ZNF423: variants seen among roughly 807,000 people sequenced by gnomAD.
The protein encoded by ZNF423 is zinc finger protein 423, also known as Ebf-associated zinc finger protein.
In ZNF423, 12 loss-of-function variants were observed where a neutral mutation model predicts 95.8. The ratio of observed to expected loss-of-function variants is 0.13; its 90% CI spans 0.08 to 0.20. The LOEUF is 0.20. Ranked by LOEUF, ZNF423 falls within the 10% of genes least tolerant of loss-of-function variation. The probability of loss-of-function intolerance (pLI) is 1.00; values close to 1 mark genes in which losing one functional copy is unlikely to be tolerated. For synonymous variants in ZNF423, 749 were observed against 711.9 expected (o/e 1.05, Z -0.83); for missense variants, 1,316 against 1,737.1 (o/e 0.76, Z 4.31).
At chr16:49,521,662 C>G (rs1255810414) in intron 7 of ZNF423, among the ~76,000 whole-genome samples, 2 of 152,204 alleles carry the variant, frequency 1.3e-5, no homozygotes, top group Non-Finnish European at 2.9e-5. Flanking sequence ...TTTCATAACT[C>G]TGTCCCACGT....
chr16:49,776,264 C>T (rs1025848293), intron 2 of ZNF423, among the ~76,000 whole-genome samples: 3 of 152,216 alleles, frequency 2.0e-5, no homozygotes, highest in Non-Finnish European at 4.4e-5. Context: ...AACGCTGAGC[C>T]GACCCCCACT....
rs1388373275 is a variant in ZNF423, at chr16:49,635,419, CA to C, written c.3516+240del. Reference sequence around the variant, plus strand: ...GGACAATTATTATTCCCATTTTATACATTAGCATTTGACAAATGAGACCCAG... The same window carrying C: ...GGACAATTATTATTCCCATTTTATACTTAGCATTTGACAAATGAGACCCAG... On this transcript the variant is annotated intron_variant, in intron 4 of 7. Transcript: ENST00000563137. This position sits in a 1 kb window ranked among gnomAD's most constrained non-coding sequence, Gnocchi z 4.8. 1.3e-5 allele frequency among the ~76,000 whole-genome samples: 2 copies of C among 152,250 alleles called. No individual in the cohort carries two copies. Among genetic ancestry groups the C allele is most frequent in the African/African-American group, 4.8e-5 (2 of 41,464 alleles).
chr16:49,668,680 G>A (rs961400134), intron 3 of ZNF423, among the ~76,000 whole-genome samples: 5 of 152,128 alleles, frequency 3.3e-5, no homozygotes, highest in African/African-American at 1.2e-4. Flanking sequence ...TAGGACCTGG[G>A]GAAACAGTTC....
upstream of ZNF423, among the ~76,000 whole-genome samples, chr16:49,856,427 GAA>G (rs550708499): frequency 3.9e-4 from 47 of 121,634 alleles, no homozygotes; most frequent in South Asian, 3.8e-3. Context: ...TACCCCCCAG[GAA>G]AAAAAAAAAA....
intron 3 of ZNF423, among the ~76,000 whole-genome samples, chr16:49,651,598 T>A (rs1171567971): frequency 6.6e-6 from 1 of 152,214 alleles, no homozygotes; most frequent in Non-Finnish European, 1.5e-5. Flanking sequence ...TGACCCTTGC[T>A]CAATTTTACA....
intron 5 of ZNF423, among the ~76,000 whole-genome samples, chr16:49,597,882 T>C (rs1284626034): frequency 6.6e-6 from 1 of 152,192 alleles, no homozygotes; most frequent in African/African-American, 2.4e-5. Flanking sequence ...GCCCTGGCCT[T>C]GTTCATTCCT....
At chr16:49,641,864 C>T (rs1972984809) in intron 3 of ZNF423, among the ~76,000 whole-genome samples, 1 of 152,208 alleles carries the variant, frequency 6.6e-6, no homozygotes, top group Non-Finnish European at 1.5e-5. Context: ...CAGGGACTGG[C>T]TGCACAGGTG....
intron 3 of ZNF423, among the ~76,000 whole-genome samples, chr16:49,649,491 G>A (rs1426143731): frequency 6.6e-6 from 1 of 152,102 alleles, no homozygotes; most frequent in Non-Finnish European, 1.5e-5. Flanking sequence ...CACATATTTA[G>A]GATGCCTGCT....
intron 5 of ZNF423, among the ~76,000 whole-genome samples, chr16:49,562,100 C>G (rs1233640887): frequency 6.6e-6 from 1 of 152,170 alleles, no homozygotes; most frequent in African/African-American, 2.4e-5. Context: ...TAATATCTCA[C>G]AAAAGGTAAC....
intron 1 of ZNF423, among the ~76,000 whole-genome samples, chr16:49,793,509 A>G (rs1417865261): frequency 6.6e-6 from 1 of 152,190 alleles, no homozygotes; most frequent in East Asian, 1.9e-4. Context: ...TTTAATGTAT[A>G]CAATAATTGG....
intron 5 of ZNF423, among the ~76,000 whole-genome samples, chr16:49,533,023 A>C (rs1423614184): frequency 6.6e-6 from 1 of 152,176 alleles, no homozygotes; most frequent in African/African-American, 2.4e-5. Flanking sequence ...CCCACCCTGC[A>C]GCCTCGCCCT....
At chr16:49,807,424 C>T (rs952260989) in intron 1 of ZNF423, among the ~76,000 whole-genome samples, 3 of 151,412 alleles carry the variant, frequency 2.0e-5, no homozygotes, top group African/African-American at 4.9e-5. Flanking sequence ...AGCAATATTC[C>T]GTCTCAAAAA....
intron 1 of ZNF423, among the ~76,000 whole-genome samples, chr16:49,807,010 G>A (rs1164464105): frequency 6.8e-6 from 1 of 147,616 alleles, no homozygotes; most frequent in Non-Finnish European, 1.5e-5. Flanking sequence ...CTGGAGGACA[G>A]AGCAAGACTC....
chr16:49,538,609 C>T (rs753857922), intron 5 of ZNF423, among the ~76,000 whole-genome samples: 13 of 152,186 alleles, frequency 8.5e-5, no homozygotes, highest in Middle Eastern at 3.2e-3. Flanking sequence ...TGCCAGGTGG[C>T]CCTGGCCCTG....
chr16:49,846,538 G>A (rs1013591024), intron 1 of ZNF423, among the ~76,000 whole-genome samples: 3 of 152,188 alleles, frequency 2.0e-5, no homozygotes, highest in African/African-American at 7.2e-5. Context: ...TGGCTGGCCA[G>A]CGTCTCCCTA....
intron 3 of ZNF423, among the ~76,000 whole-genome samples, chr16:49,691,060 C>T (rs966403507): frequency 6.6e-6 from 1 of 152,208 alleles, no homozygotes; most frequent in Admixed American, 6.5e-5. Flanking sequence ...CAGAAGCAGC[C>T]GTCGGAGGGG....
chr16:49,666,455 AC>A (rs2030550081), intron 3 of ZNF423, among the ~76,000 whole-genome samples: 1 of 152,244 alleles, frequency 6.6e-6, no homozygotes, highest in Non-Finnish European at 1.5e-5. Context: ...TAAACCAGCT[AC>A]ATACACGTAG....
intron 3 of ZNF423, among the ~76,000 whole-genome samples, chr16:49,718,874 T>G (rs562273025): frequency 1.5e-3 from 228 of 152,236 alleles, no homozygotes; most frequent in African/African-American, 5.4e-3. Flanking sequence ...GGGGATTAGA[T>G]TTCAACAAAC....
At chr16:49,735,358 C>A (rs1465289927) in intron 2 of ZNF423, among the ~76,000 whole-genome samples, 2 of 152,202 alleles carry the variant, frequency 1.3e-5, no homozygotes, top group African/African-American at 4.8e-5. Context: ...CTTCCCTTTG[C>A]AGTCAGAGCT....
Sources: gnomAD v4.1 joint callset for allele counts (sites outside exome capture counted in the v4.1 genomes callset) on GRCh38, gnomAD v4.1.1 for gene constraint, Gnocchi (gnomAD v3.1) non-coding constraint, MANE v1.5 for transcripts, NCBI Gene and HGNC (gene_info 2026-07-23, HGNC 2026-07-21) for gene names.